CCDC88A: variants seen among roughly 807,000 people sequenced by gnomAD.
CCDC88A encodes girdin.
Under a neutral mutation model 234.3 loss-of-function variants are expected in CCDC88A, and 54 were observed. The observed-to-expected ratio is 0.23, with a 90% CI of 0.19 to 0.29. The LOEUF is 0.29. Ranked by LOEUF, CCDC88A falls within the 10% of genes least tolerant of loss-of-function variation. The pLI is 1.00. For missense variants in CCDC88A, 1,832 were observed against 2,123.4 expected, an observed-to-expected ratio of 0.86 and a Z score of 2.70; for synonymous variants, 753 against 737.8, an observed-to-expected ratio of 1.02 and a Z score of -0.33.
At position 55,374,893 on chromosome 2, in the gene CCDC88A, A is replaced by C. The variant is rs1241163409; in HGVS notation, c.274-10T>G. The C allele has an allele frequency of 6.4e-7, 1 of 1,574,256 alleles. No homozygotes were observed. Among genetic ancestry groups the C allele is most frequent in the Non-Finnish European group, 8.7e-7 (1 of 1,145,252 alleles). On this transcript the variant is annotated splice_polypyrimidine_tract_variant and intron_variant, in intron 3 of 32. Transcript: ENST00000436346. ...ATTGCTGCAAAGTCTCCTGTAAAAA[A>C]ATATCCAACACTTGTTATATGGGTA...
At chr2:55,414,611 A>G (rs532763552) in intron 2 of CCDC88A, among the ~76,000 whole-genome samples, 1 of 152,380 alleles carries the variant, frequency 6.6e-6, no homozygotes, top group African/African-American at 2.4e-5. Context: ...ATCTCAAGTC[A>G]GTGAAAAGAC....
At chr2:55,330,883 A>C (rs1684836359) in intron 16 of CCDC88A, among the ~76,000 whole-genome samples, 1 of 152,182 alleles carries the variant, frequency 6.6e-6, no homozygotes, top group African/African-American at 2.4e-5. Flanking sequence ...CTTTTATACA[A>C]ATGCTTTTGT....
At chr2:55,294,292 T>C in intron 31 of CCDC88A, 2 of 977,558 alleles carry the variant, frequency 2.0e-6, no homozygotes, top group Non-Finnish European at 2.4e-6. Context: ...ACTTGAGCTC[T>C]TGTATTTATC....
chr2:55,364,876 A>T, intron 5 of CCDC88A, among the ~76,000 whole-genome samples: 1 of 152,144 alleles, frequency 6.6e-6, no homozygotes, highest in Admixed American at 6.6e-5. Flanking sequence ...TAACAAATGC[A>T]AAGTGCCTAC....
chr2:55,369,734 G>A (rs1322417460), intron 5 of CCDC88A, among the ~76,000 whole-genome samples: 4 of 152,054 alleles, frequency 2.6e-5, no homozygotes, highest in Non-Finnish European at 5.9e-5. Flanking sequence ...CACACTTCAT[G>A]TTCCTTGAAT....
At chr2:55,363,252 A>G (rs376603868) in intron 6 of CCDC88A, among the ~76,000 whole-genome samples, 144 of 152,052 alleles carry the variant, frequency 9.5e-4, no homozygotes, top group African/African-American at 3.3e-3. Flanking sequence ...AAGATGTCCT[A>G]TGGAACACAA....
intron 6 of CCDC88A, among the ~76,000 whole-genome samples, chr2:55,363,304 C>T (rs1277468178): frequency 1.3e-5 from 2 of 151,830 alleles, no homozygotes; most frequent in Non-Finnish European, 3.0e-5. Flanking sequence ...TACCAATTTT[C>T]ACTATAAAAA....
chr2:55,349,754 T>G (rs763083022), intron 8 of CCDC88A, 155 bp from the exon 9 acceptor site: 82 of 517,818 alleles, frequency 1.6e-4, no homozygotes, highest in Non-Finnish European at 2.6e-4. Flanking sequence ...AAGATAGATA[T>G]TAGGAATTTA....
chr2:55,378,495 C>A (rs1319238409), intron 3 of CCDC88A, among the ~76,000 whole-genome samples: 1 of 151,982 alleles, frequency 6.6e-6, no homozygotes, highest in South Asian at 2.1e-4. Context: ...AATACATATG[C>A]CTTTTTTGGG....
chr2:55,356,101 T>TA (rs1299620562), intron 7 of CCDC88A: 2 of 159,724 alleles, frequency 1.3e-5, no homozygotes, highest in African/African-American at 2.4e-5. Context: ...ACCCATCACC[T>TA]AGGTATTAAG....
At chr2:55,349,669 A>G in intron 8 of CCDC88A, 70 bp from the exon 9 acceptor site, 1 of 999,824 alleles carries the variant, frequency 1.0e-6, no homozygotes, top group South Asian at 1.4e-5. Flanking sequence ...GCGTTAATAT[A>G]AATGTATCAT....
intron 21 of CCDC88A, among the ~76,000 whole-genome samples, chr2:55,316,471 T>A (rs1488995790): frequency 6.6e-6 from 1 of 152,080 alleles, no homozygotes; most frequent in Non-Finnish European, 1.5e-5. Flanking sequence ...ATCCCAGCAT[T>A]TTGGGAGGTA....
rs140500773 is a variant in CCDC88A at position 55,334,962 on chromosome 2, T to A, written c.1859A>T (p.Tyr620Phe). The stretch of plus-strand genomic sequence containing the variant: ...TTCAGCTCGTTCTCCTTTTTCTTTA[T>A]AATGTTCCAATTCTTTTTTAATTTG... ...KRQIKKELEH[Y>F]KEKGERAEEL... The change falls in exon 15 of 33, where the codon TAT (tyrosine) becomes TTT (phenylalanine). Residue 620 changes from tyrosine (Y) to phenylalanine (F), a missense_variant. Physicochemically the swap from Tyr to Phe is conservative, Grantham distance 22. Around this residue, in one of 6 missense-constraint regions of CCDC88A, gnomAD observed 1,282 missense variants for 1,543.6 expected, o/e 0.83. Coordinates refer to ENST00000436346, the MANE Select transcript of CCDC88A (RefSeq NM_001365480.1). The surrounding 1 kb of genome is among the most constrained non-coding windows in gnomAD (Gnocchi z 6.1). The A allele has an allele frequency of 6.3e-7, 1 of 1,580,528 alleles. No homozygotes were observed. The highest frequency in any genetic ancestry group is 1.8e-5 in the Admixed American group (1 of 55,496).
intron 8 of CCDC88A, chr2:55,355,209 A>C: frequency 5.1e-6 from 1 of 194,486 alleles, no homozygotes; most frequent in Non-Finnish European, 1.0e-5. Context: ...GGGGGGCAGA[A>C]TAGGTGTAAA....
At chr2:55,402,963 C>T (rs188417826) in intron 2 of CCDC88A, among the ~76,000 whole-genome samples, 3,414 of 151,880 alleles carry the variant, frequency 0.022, 54 homozygotes, top group Non-Finnish European at 0.034. Flanking sequence ...GAGCCGAGAT[C>T]ACGCCACTGC....
chr2:55,366,205 C>G (rs759563074), intron 5 of CCDC88A, among the ~76,000 whole-genome samples: 7 of 151,966 alleles, frequency 4.6e-5, no homozygotes, highest in Non-Finnish European at 7.4e-5. Context: ...GATTACTAAG[C>G]CAGTAGATTA....
chr2:55,402,939 G>A (rs2104950785), intron 2 of CCDC88A, among the ~76,000 whole-genome samples: 1 of 152,038 alleles, frequency 6.6e-6, no homozygotes, highest in East Asian at 1.9e-4. Context: ...AACCCAGGAG[G>A]CAGAGCTTGC....
Position 55,346,166 on chromosome 2 carries a change from G to C in CCDC88A, c.1041+9C>G. On this transcript the variant is annotated intron_variant, in intron 10 of 32. Transcript: ENST00000436346. ...AAAAAAATCATGAATGGTTAATTAT[G>C]CAACATACCTCAACTCTTGCCTTAT... 1 of 1,569,786 alleles carries C rather than the reference G, an allele frequency of 6.4e-7. No homozygotes were observed. The highest frequency in any genetic ancestry group is 8.6e-7 in the Non-Finnish European group (1 of 1,156,110).
chr2:55,367,528 G>GTTTTTTTTGTTTT lies in CCDC88A; in HGVS notation c.403-3496_403-3495insAAAACAAAAAAAA, dbSNP rs1553419618. Reference sequence around the variant, plus strand: ...TTGCTAGAAATTGTTTTATTTCCTTGTTTTTTTTTAAGAGACTGGGTCTTG... The same window carrying GTTTTTTTTGTTTT: ...TTGCTAGAAATTGTTTTATTTCCTTGTTTTTTTTGTTTTTTTTTTTTTAAGAGACTGGGTCTTG... On this transcript the variant is annotated intron_variant, in intron 5 of 32. Transcript: ENST00000436346. 3.0e-5 allele frequency among the ~76,000 whole-genome samples: 3 copies of GTTTTTTTTGTTTT among 99,878 alleles called. 1 individual carries two copies. The East Asian group carries it at 7.2e-4, about 24-fold the overall frequency. 65.5% of individuals were successfully genotyped at this position (99,878 alleles called of 152,430 possible). A position where few individuals can be genotyped will look rare whatever the true frequency, so the allele number is the denominator to read the frequency against.
Sources: allele counts gnomAD v4.1 joint callset (sites outside exome capture counted in the v4.1 genomes callset), GRCh38; gene constraint gnomAD v4.1.1; regional missense constraint gnomAD v4.1.1; non-coding constraint Gnocchi (gnomAD v3.1); transcripts MANE v1.5; gene names NCBI Gene and HGNC (gene_info 2026-07-23, HGNC 2026-07-21).